ZBBX: variants seen among roughly 807,000 people sequenced by gnomAD.
The protein encoded by ZBBX is zinc finger B-box domain-containing protein 1.
In ZBBX, 101 loss-of-function variants were observed where a neutral mutation model predicts 108.5. The ratio of observed to expected loss-of-function variants is 0.93; its 90% CI spans 0.79 to 1.10. ZBBX has a LOEUF of 1.10. ZBBX is among the 50% of genes least tolerant of loss of function. The probability of loss-of-function intolerance (pLI) is 0.00; values close to 1 mark genes in which losing one functional copy is unlikely to be tolerated. For synonymous variants in ZBBX, 356 were observed against 323.4 expected (o/e 1.10, Z -1.08); for missense variants, 1,009 against 941.4 (o/e 1.07, Z -0.94).
chr3:167,310,004 A>G (rs1235726519), intron 16 of ZBBX, among the ~76,000 whole-genome samples: 2 of 152,198 alleles, frequency 1.3e-5, no homozygotes, highest in African/African-American at 2.4e-5. Context: ...TTTTTGAAAC[A>G]GCCAGGTCAC....
intron 20 of ZBBX, among the ~76,000 whole-genome samples, chr3:167,257,780 G>T (rs966845999): frequency 8.6e-5 from 13 of 151,920 alleles, no homozygotes; most frequent in South Asian, 2.1e-4. Flanking sequence ...TCATGTGTTT[G>T]TTGGCCATTT....
chr3:167,266,668 C>A (rs752942051), intron 20 of ZBBX, among the ~76,000 whole-genome samples: 1 of 152,202 alleles, frequency 6.6e-6, no homozygotes, highest in Non-Finnish European at 1.5e-5. Context: ...AAAAAACTCC[C>A]GGTCCCCTTT....
At chr3:167,199,255 C>G in the ZBBX span, among the ~76,000 whole-genome samples, 1 of 152,110 alleles carries the variant, frequency 6.6e-6, no homozygotes, top group Non-Finnish European at 1.5e-5. Context: ...GATGAATTCA[C>G]CAGCTCTCAT....
At chr3:167,265,160 A>T (rs1417300603) in intron 20 of ZBBX, among the ~76,000 whole-genome samples, 1 of 152,050 alleles carries the variant, frequency 6.6e-6, no homozygotes, top group Non-Finnish European at 1.5e-5. Flanking sequence ...CATCATTTTC[A>T]TTGTAGTTGC....
intron 12 of ZBBX, among the ~76,000 whole-genome samples, chr3:167,318,911 G>A (rs1414753876): frequency 2.6e-5 from 4 of 151,682 alleles, no homozygotes; most frequent in East Asian, 1.9e-4. Context: ...ACAACTACAC[G>A]CCTTATTAAA....
chr3:167,256,074 C>T (rs889357443), intron 20 of ZBBX, among the ~76,000 whole-genome samples: 7 of 152,094 alleles, frequency 4.6e-5, no homozygotes, highest in Non-Finnish European at 5.9e-5. Flanking sequence ...CTTGCTGTGC[C>T]TGGCTTATTT....
upstream of ZBBX, among the ~76,000 whole-genome samples, chr3:167,382,354 T>C (rs1043150228): frequency 6.6e-6 from 1 of 152,098 alleles, no homozygotes; most frequent in African/African-American, 2.4e-5. Flanking sequence ...TCTAGAGAGA[T>C]GATATTCTCT....
chr3:167,351,884 T>C (rs1424020106), intron 8 of ZBBX, among the ~76,000 whole-genome samples: 1 of 152,054 alleles, frequency 6.6e-6, no homozygotes, highest in Non-Finnish European at 1.5e-5. Context: ...CCTGTCAGTC[T>C]CTCCCAAAAC....
intron 12 of ZBBX, among the ~76,000 whole-genome samples, chr3:167,319,287 TG>T (rs760500752): frequency 5.3e-5 from 8 of 152,044 alleles, no homozygotes; most frequent in Non-Finnish European, 7.4e-5. Flanking sequence ...GGATACTGTA[TG>T]ATTTCATTTA....
At chr3:167,295,467 A>C (rs1473814578) in intron 18 of ZBBX, among the ~76,000 whole-genome samples, 1 of 151,540 alleles carries the variant, frequency 6.6e-6, no homozygotes, top group Non-Finnish European at 1.5e-5. Flanking sequence ...ACATGTTCCC[A>C]CTCATAAGTG....
intron 8 of ZBBX, among the ~76,000 whole-genome samples, chr3:167,351,413 C>T (rs912777226): frequency 2.4e-4 from 37 of 152,018 alleles, no homozygotes; most frequent in African/African-American, 8.9e-4. Context: ...AAATAGATTG[C>T]CTGAGAGAGA....
intron 9 of ZBBX, among the ~76,000 whole-genome samples, chr3:167,346,366 T>C (rs1741453334): frequency 6.6e-6 from 1 of 151,814 alleles, no homozygotes; most frequent in African/African-American, 2.4e-5. Flanking sequence ...ACAACACTAG[T>C]CAACATGTAA....
chr3:167,311,965 C>A (rs1734669387), intron 16 of ZBBX, among the ~76,000 whole-genome samples: 1 of 152,102 alleles, frequency 6.6e-6, no homozygotes, highest in African/African-American at 2.4e-5. Flanking sequence ...ACTTAAGTCC[C>A]AATAAAAACC....
chr3:167,331,532 C>T lies in ZBBX; in HGVS notation c.687+2295G>A, dbSNP rs768122182. 1.8e-5 allele frequency: 18 copies of T among 982,642 alleles called. No individual in the cohort carries two copies. In the African/African-American group the frequency reaches 3.0e-4, roughly 16 times the overall value. 60.9% of individuals were successfully genotyped at this position (982,642 alleles called of 1,614,324 possible). A position where few individuals can be genotyped will look rare whatever the true frequency, so the allele number is the denominator to read the frequency against. On this transcript the variant is annotated intron_variant, in intron 10 of 21. Coordinates refer to ENST00000675490, the MANE Select transcript of ZBBX (RefSeq NM_001199201.2). ...CAAGCAATGAATCAGAGATGTCAGA[C>T]ATTTTCATATTGGAGTTATGCCATT... is the stretch of plus-strand genomic sequence containing the variant.
intron 6 of ZBBX, among the ~76,000 whole-genome samples, chr3:167,361,076 GACAC>G (rs1278031644): frequency 6.6e-6 from 1 of 151,926 alleles, no homozygotes; most frequent in Non-Finnish European, 1.5e-5. Flanking sequence ...CTCTTTCTGA[GACAC>G]ACAGTCTAAT....
In ZBBX at chr3:167,328,192, T is replaced by A. The variant is rs557490270; in HGVS notation, c.688-76A>T. ...CACAAAAATTGTTTTAATAAAAAAA[T>A]TCTGTGTTTTAAAATACAGGTAGAA... On this transcript the variant is annotated intron_variant, in intron 10 of 21. Transcript: ENST00000675490. The A allele has an allele frequency of 1.6e-4, 228 of 1,443,162 alleles. No individual in the cohort carries two copies. The African/African-American group carries it at 2.6e-3, about 17-fold the overall frequency. The allele number at this position is 1,443,162 out of a possible 1,614,324, so 89.4% of individuals were successfully genotyped here.
chr3:167,191,928 T>TAGAGAGAGAG, the ZBBX span, among the ~76,000 whole-genome samples: 20 of 125,768 alleles, frequency 1.6e-4, no homozygotes, highest in African/African-American at 6.4e-4. Flanking sequence ...TATATATATA[T>TAGAGAGAGAG]ATATATAGAG....
chr3:167,376,357 T>C (rs924527207), intron 2 of ZBBX, among the ~76,000 whole-genome samples: 1 of 152,326 alleles, frequency 6.6e-6, no homozygotes, highest in South Asian at 2.1e-4. Context: ...TCTGTATTGC[T>C]TTCTGATCAT....
chr3:167,397,692 A>G (rs1321223458), intron 1 of ZBBX, among the ~76,000 whole-genome samples: 2 of 151,924 alleles, frequency 1.3e-5, no homozygotes, highest in Non-Finnish European at 2.9e-5. Context: ...GCAGATGATG[A>G]CAAAACTTAT....
Sources: allele counts gnomAD v4.1 joint callset (sites outside exome capture counted in the v4.1 genomes callset), GRCh38; gene constraint gnomAD v4.1.1; transcripts MANE v1.5; gene names NCBI Gene and HGNC (gene_info 2026-07-23, HGNC 2026-07-21).